TENM3: variants seen among roughly 807,000 people sequenced by gnomAD.
TENM3 encodes the protein teneurin-3.
A neutral mutation model predicts 255.1 loss-of-function variants in TENM3; 63 were observed. The observed-to-expected ratio is 0.25, with a 90% confidence interval of 0.20 to 0.30. TENM3 has a LOEUF of 0.30. Ranked by LOEUF, TENM3 falls within the 10% of genes least tolerant of loss-of-function variation. TENM3 has a pLI of 1.00. For missense variants in TENM3, 2,929 were observed against 3,461.1 expected (o/e 0.85, Z 3.86); for synonymous variants, 1,306 against 1,322.3 (o/e 0.99, Z 0.27).
At chr4:182,250,616 A>C (rs1466448440) in intron 1 of TENM3, among the ~76,000 whole-genome samples, 1 of 152,194 alleles carries the variant, frequency 6.6e-6, no homozygotes, top group Admixed American at 6.5e-5. Context: ...CAGATCAGTG[A>C]CTTTTTTGTA....
At chr4:182,191,723 T>G (rs1753533141) in intron 1 of TENM3, among the ~76,000 whole-genome samples, 1 of 152,176 alleles carries the variant, frequency 6.6e-6, no homozygotes, top group Non-Finnish European at 1.5e-5. Context: ...TGAATACTCT[T>G]AGCATGTATC....
At chr4:181,844,630 T>A in the TENM3 span, among the ~76,000 whole-genome samples, 428 of 150,794 alleles carry the variant, frequency 2.8e-3, 1 homozygote, top group South Asian at 5.0e-3. Context: ...ATCACACCAC[T>A]GCACTCCAGC....
chr4:181,937,157 C>G, the TENM3 span, among the ~76,000 whole-genome samples: 1 of 152,186 alleles, frequency 6.6e-6, no homozygotes, highest in African/African-American at 2.4e-5. Flanking sequence ...AAAGCTCTGA[C>G]AGTGGAGAAA....
intron 1 of TENM3, among the ~76,000 whole-genome samples, chr4:182,306,652 G>A (rs918572300): frequency 2.0e-5 from 3 of 152,172 alleles, no homozygotes; most frequent in Non-Finnish European, 4.4e-5. Flanking sequence ...GCAGAAACCT[G>A]TAGTATCTGA....
chr4:181,456,095 ATG>A, the TENM3 span, among the ~76,000 whole-genome samples: 64,737 of 135,040 alleles, frequency 0.48, 14,504 homozygotes, highest in Middle Eastern at 0.54. Flanking sequence ...TGGTAAATAT[ATG>A]TGTGTGTGTG....
chr4:182,475,672 A>C (rs1256946828), intron 3 of TENM3, among the ~76,000 whole-genome samples: 5 of 152,206 alleles, frequency 3.3e-5, no homozygotes, highest in Non-Finnish European at 5.9e-5. Flanking sequence ...TCAGTTCATA[A>C]ATTTAACTTG....
intron 1 of TENM3, among the ~76,000 whole-genome samples, chr4:182,165,446 A>G (rs1049780870): frequency 1.1e-4 from 17 of 152,166 alleles, no homozygotes; most frequent in Non-Finnish European, 2.1e-4. Flanking sequence ...GGCTGCCTCT[A>G]TGGTTTAACA....
At chr4:181,801,943 G>GA in the TENM3 span, among the ~76,000 whole-genome samples, 4 of 151,950 alleles carry the variant, frequency 2.6e-5, no homozygotes, top group Admixed American at 1.3e-4. Flanking sequence ...CCAGGTGACA[G>GA]AAAAATGCCC....
At position 182,228,358 on chromosome 4, in the gene TENM3, A is replaced by ATGTGTGTGTG. The variant is rs141968345; in HGVS notation, c.-76+83630_-76+83639dup. Among the ~76,000 whole-genome samples the ATGTGTGTGTG allele has an allele frequency of 5.1e-3, 557 of 109,112 alleles. 47 individuals are homozygous for ATGTGTGTGTG. Among genetic ancestry groups the ATGTGTGTGTG allele is most frequent in the African/African-American group, 0.018 (491 of 27,714 alleles). 71.6% of individuals were successfully genotyped at this position (109,112 alleles called of 152,430 possible). A position where few individuals can be genotyped will look rare whatever the true frequency, so the allele number is the denominator to read the frequency against. On this transcript the variant is annotated intron_variant, in intron 1 of 2. Coordinates refer to the TENM3 transcript ENST00000512480. ...CCTTAAATATATATAATGTAATGTA[A>ATGTGTGTGTG]TGTGTGTGTGTGTGTGTGTGTGTGT...
At chr4:182,609,246 A>G (rs1331766821) in intron 4 of TENM3, among the ~76,000 whole-genome samples, 1 of 152,236 alleles carries the variant, frequency 6.6e-6, no homozygotes, top group Non-Finnish European at 1.5e-5. Context: ...GGCGTGAGCC[A>G]CCACACCCAG....
chr4:181,849,400 T>G, the TENM3 span, among the ~76,000 whole-genome samples: 1 of 152,176 alleles, frequency 6.6e-6, no homozygotes, highest in African/African-American at 2.4e-5. Context: ...ATTATATTGT[T>G]GCCCCAACAG....
chr4:181,927,034 T>G, the TENM3 span, among the ~76,000 whole-genome samples: 4 of 152,148 alleles, frequency 2.6e-5, no homozygotes, highest in Non-Finnish European at 5.9e-5. Flanking sequence ...GGAGATTCCC[T>G]TGGGTGCCTA....
chr4:181,557,822 C>T, the TENM3 span, among the ~76,000 whole-genome samples: 11 of 152,132 alleles, frequency 7.2e-5, no homozygotes, highest in South Asian at 2.1e-4. Context: ...TAAGCCACCA[C>T]GCCTGACCTC....
the TENM3 span, among the ~76,000 whole-genome samples, chr4:182,099,128 A>C: frequency 9.9e-5 from 15 of 151,788 alleles, 1 homozygote; most frequent in South Asian, 2.9e-3. Context: ...CGCCCAGCTA[A>C]CTTTTTTTGT....
At chr4:182,693,519 A>G (rs10003131) in intron 12 of TENM3, among the ~76,000 whole-genome samples, 31,776 of 151,892 alleles carry the variant, frequency 0.21, 3,608 homozygotes, top group Non-Finnish European at 0.27. Flanking sequence ...TTAATTTTTT[A>G]GTAGAGATGG....
At chr4:181,636,004 T>C in the TENM3 span, among the ~76,000 whole-genome samples, 1 of 152,154 alleles carries the variant, frequency 6.6e-6, no homozygotes, top group Non-Finnish European at 1.5e-5. Flanking sequence ...CATGTATATA[T>C]ATGTACACAC....
At chr4:181,988,993 C>G in the TENM3 span, among the ~76,000 whole-genome samples, 3 of 152,074 alleles carry the variant, frequency 2.0e-5, no homozygotes, top group East Asian at 5.8e-4. Flanking sequence ...GCCTTACCCT[C>G]TTTTATAAGC....
the TENM3 span, among the ~76,000 whole-genome samples, chr4:181,880,260 C>T: frequency 7.2e-5 from 11 of 152,026 alleles, no homozygotes; most frequent in African/African-American, 2.2e-4. Flanking sequence ...ATTTATAAAA[C>T]GAAGATGATA....
At chr4:182,127,029 T>G in the TENM3 span, among the ~76,000 whole-genome samples, 2 of 152,262 alleles carry the variant, frequency 1.3e-5, no homozygotes, top group Admixed American at 1.3e-4. Flanking sequence ...TAACACAGGT[T>G]AATGAGATCA....
Sources: gnomAD v4.1 joint callset for allele counts (sites outside exome capture counted in the v4.1 genomes callset) on GRCh38, gnomAD v4.1.1 for gene constraint, MANE v1.5 for transcripts, NCBI Gene and HGNC (gene_info 2026-07-23, HGNC 2026-07-21) for gene names.